Variants in IDUA observed in about 807,000 individuals in gnomAD.
The protein encoded by IDUA is iduronidase alpha-L-.
Under a neutral mutation model 68.9 loss-of-function variants are expected in IDUA, and 65 were observed. That is an observed-to-expected ratio of 0.94 (90% confidence interval 0.77 to 1.16). The LOEUF is 1.16. IDUA is among the 50% of genes most tolerant of loss of function. The pLI is 0.00. For synonymous variants in IDUA, 529 were observed against 433.6 expected (o/e 1.22, Z -2.73); for missense variants, 1,046 against 938.0 (o/e 1.12, Z -1.50).
Position 989,062 on chromosome 4 carries a change from C to T in IDUA, c.299+1113C>T, listed in dbSNP as rs1234376069. 52 of 1,587,324 alleles carry T rather than the reference C, an allele frequency of 3.3e-5. No individual in the cohort carries two copies. The highest frequency in any genetic ancestry group is 4.1e-5 in the Non-Finnish European group (48 of 1,167,484). On this transcript the variant is annotated intron_variant, in intron 2 of 13. Transcript: ENST00000514224. Reference sequence around the variant, plus strand: ...GCGCAGGTCCTGCAGCGTGCTCACACCGGCTGCGTCTAGGAACAGCAGCGG... The same window carrying T: ...GCGCAGGTCCTGCAGCGTGCTCACATCGGCTGCGTCTAGGAACAGCAGCGG...
chr4:988,061 G>T, intron 2 of IDUA, 112 bp downstream of exon 2: 1 of 1,473,204 alleles, frequency 6.8e-7, no homozygotes. Context: ...TCCCGCCGAA[G>T]CACCCTGTTG....
In IDUA at chr4:1,003,069, G is replaced by A. The variant is rs772217218; in HGVS notation, c.1436G>A (p.Gly479Glu). The A allele has an allele frequency of 1.2e-5, 19 of 1,521,620 alleles. No individual in the cohort carries two copies. Among genetic ancestry groups the A allele is most frequent in the African/African-American group, 4.3e-5 (3 of 69,958 alleles). 94.3% of individuals were successfully genotyped at this position (1,521,620 alleles called of 1,614,324 possible). ...LVYVTRYLDN[G>E]LCSPDGEWRR... ...TACGTCACGCGCTACCTGGACAACG[G>A]GCTCTGCAGCCCCGACGGCGAGTGG... Residue 479 changes from glycine (G) to glutamate (E), a missense_variant, in exon 10 of 14, where the codon GGG (glycine) becomes GAG (glutamate). Transcript: ENST00000514224.
chr4:1,002,680 G>C, intron 8 of IDUA, 52 bp from the exon 9 acceptor site: 2 of 1,324,030 alleles, frequency 1.5e-6, no homozygotes, highest in South Asian at 2.7e-5. Context: ...CCTGGGTCGG[G>C]GGGCGGCTGG....
rs1391524900 is a variant in IDUA, at chr4:987,845, C to T, written c.195C>T (p.Val65=). The T allele has an allele frequency of 6.2e-7, 1 of 1,612,392 alleles. No homozygotes were observed. The highest frequency in any genetic ancestry group is 2.2e-5 in the East Asian group (1 of 44,876). The change falls in exon 2 of 14, where the codon GTC becomes GTT. Residue 65 remains valine (V), a synonymous_variant. Transcript: ENST00000514224. ...CACACAGCCAGGCTGACCAGTACGT[C>T]CTCAGCTGGGACCAGCAGCTCAACC... ...PLPHSQADQY[V]LSWDQQLNLA... is the part of the protein sequence containing the mutation.
intron 2 of IDUA, 125 bp downstream of exon 2, chr4:988,074 G>A (rs1713887502): frequency 3.4e-6 from 5 of 1,462,944 alleles, no homozygotes; most frequent in Non-Finnish European, 1.8e-6. Context: ...CCCTGTTGGG[G>A]AGAGCGTGTC....
intron 2 of IDUA, among the ~76,000 whole-genome samples, chr4:995,769 C>T (rs148326642): frequency 2.0e-5 from 3 of 152,350 alleles, no homozygotes; most frequent in African/African-American, 7.2e-5. Flanking sequence ...TTGTGGAAGC[C>T]GTCTGCCAAG....
At chr4:989,920 C>A (rs550626988) in intron 2 of IDUA, 5 of 1,559,996 alleles carry the variant, frequency 3.2e-6, no homozygotes, top group Admixed American at 1.9e-5. Context: ...CAAAGCCACA[C>A]GCTGCATCAG....
rs987182233 is a variant in IDUA at position 1,003,157 on chromosome 4, G to A, written c.1524G>A (p.Glu508=). The A allele has an allele frequency of 7.8e-6, 11 of 1,402,948 alleles. No individual in the cohort carries two copies. The highest frequency in any genetic ancestry group is 8.3e-6 in the Non-Finnish European group (9 of 1,083,276). 86.9% of individuals were successfully genotyped at this position (1,402,948 alleles called of 1,614,324 possible). Residue 508 remains glutamate (E), a splice_region_variant and synonymous_variant, in exon 10 of 14, where the codon GAG becomes GAA. Transcript: ENST00000514224. The part of the protein sequence containing the change: ...AEQFRRMRAA[E]DPVAAAPRPL... ...AGTTCCGGCGCATGCGCGCGGCTGA[G>A]GTAGGTGGGCCGCGGAGGGGCGAGG...
chr4:997,447 G>A (rs1175313427), intron 2 of IDUA, among the ~76,000 whole-genome samples: 3 of 150,964 alleles, frequency 2.0e-5, no homozygotes, highest in Non-Finnish European at 4.4e-5. Context: ...GCACTCACCA[G>A]GCCCGGCAGC....
At chr4:991,935 C>T (rs911807735) in intron 2 of IDUA, 2 of 944,254 alleles carry the variant, frequency 2.1e-6, no homozygotes, top group Non-Finnish European at 3.3e-6. Context: ...CAGAATCCAT[C>T]GTGAGGTGAG....
intron 12 of IDUA, 50 bp downstream of exon 12, chr4:1,003,675 TG>T: frequency 6.3e-7 from 1 of 1,596,964 alleles, no homozygotes; most frequent in East Asian, 2.2e-5. Context: ...GGCAGGTCCC[TG>T]GGTCCCGACC....
chr4:997,923 T>C (rs1577533156), intron 2 of IDUA, among the ~76,000 whole-genome samples: 1 of 152,140 alleles, frequency 6.6e-6, no homozygotes. Flanking sequence ...CCCGCTAGGG[T>C]CAGGGGCTGC....
chr4:987,157 C>G lies in IDUA; in HGVS notation c.73C>G (p.Pro25Ala), dbSNP rs775731864. ...ASLLAAPPVA[P>A]AEAPHLVHVD... is the part of the protein sequence containing the mutation. ...GCTCCTGGCCGCGCCCCCGGTGGCC[C>G]CGGCCGAGGCCCCGCACCTGGTGCA... is the stretch of plus-strand genomic sequence containing the variant. Residue 25 changes from proline (P) to alanine (A), a missense_variant, in exon 1 of 14, where the codon CCG (proline) becomes GCG (alanine). Coordinates refer to ENST00000514224, the MANE Select transcript of IDUA (RefSeq NM_000203.5). 5 of 1,425,190 alleles carry G rather than the reference C, an allele frequency of 3.5e-6. No homozygotes were observed. In the South Asian group the frequency reaches 5.8e-5, roughly 17 times the overall value. The allele number at this position is 1,425,190 out of a possible 1,614,324, so 88.3% of individuals were successfully genotyped here. A position where few individuals can be genotyped will look rare whatever the true frequency, so the allele number is the denominator to read the frequency against.
chr4:1,003,063 AC>A lies in IDUA; in HGVS notation c.1431del (p.Asp477GlufsTer48). 6.6e-7 allele frequency: 1 copy of A among 1,519,744 alleles called. No homozygotes were observed. 94.1% of individuals were successfully genotyped at this position (1,519,744 alleles called of 1,614,324 possible). A position where few individuals can be genotyped will look rare whatever the true frequency, so the allele number is the denominator to read the frequency against. ...CTGGTCTACGTCACGCGCTACCTGG[AC>A]AACGGGCTCTGCAGCCCCGACGGCG... ...PGLVYVTRYL[D>X]NGLCSPDGEW... is the part of the protein sequence containing the mutation. On this transcript the variant is annotated frameshift_variant, in exon 10 of 14. Transcript: ENST00000514224. LOFTEE classifies it high-confidence loss of function.
At chr4:987,012 C>T (rs1713766396), upstream of IDUA, 1 of 1,425,106 alleles carries the variant, frequency 7.0e-7, no homozygotes, top group Non-Finnish European at 9.3e-7. Flanking sequence ...ATGGGGTGCG[C>T]GCCCAGACTC....
chr4:990,287 C>G (rs1229573213), intron 2 of IDUA: 2 of 1,602,614 alleles, frequency 1.2e-6, no homozygotes, highest in South Asian at 1.1e-5. Context: ...ACGGAGGCCC[C>G]CATGGCAAAG....
At position 1,001,885 on chromosome 4, in the gene IDUA, C is replaced by T; in HGVS notation, c.792+4C>T. The T allele has an allele frequency of 1.3e-6, 2 of 1,577,000 alleles. No homozygotes were observed. Among genetic ancestry groups the T allele is most frequent in the South Asian group, 2.3e-5 (2 of 86,728 alleles). The stretch of plus-strand genomic sequence containing the variant: ...CTACATCTCCCTCCACAGGAAGGTG[C>T]GCCCTGCCCCTCCGTCCGCCCCGGT... On this transcript the variant is annotated splice_donor_region_variant and intron_variant, in intron 6 of 13. Transcript: ENST00000514224.
At chr4:1,002,196 C>A (rs745638426) in intron 7 of IDUA, 35 bp downstream of exon 7, 1 of 1,565,794 alleles carries the variant, frequency 6.4e-7, no homozygotes, top group African/African-American at 1.4e-5. Context: ...GCCCCCCGGC[C>A]ACCTTCCTCC....
chr4:995,726 A>G (rs1267475335), intron 2 of IDUA, among the ~76,000 whole-genome samples: 1 of 152,026 alleles, frequency 6.6e-6, no homozygotes, highest in Non-Finnish European at 1.5e-5. Context: ...GAGGGAGGAG[A>G]CCCTGGACAC....
Sources: gnomAD v4.1 joint callset for allele counts (sites outside exome capture counted in the v4.1 genomes callset) on GRCh38, gnomAD v4.1.1 for gene constraint, MANE v1.5 for transcripts, NCBI Gene and HGNC (gene_info 2026-07-23, HGNC 2026-07-21) for gene names.